The following CHD7 variants were observed in gnomAD, a reference collection of about 807,000 sequenced individuals.
CHD7 encodes the protein ATP-dependent chromatin remodeler CHD7.
Under a neutral mutation model 307.3 loss-of-function variants are expected in CHD7, and 24 were observed. The ratio of observed to expected loss-of-function variants is 0.08; its 90% confidence interval spans 0.06 to 0.11. CHD7 has a LOEUF of 0.11. CHD7 is among the 10% of genes least tolerant of loss of function. CHD7 has a pLI of 1.00. For synonymous variants in CHD7, 1,363 were observed against 1,349.9 expected (o/e 1.01, Z -0.21); for missense variants, 3,106 against 3,727.1 (o/e 0.83, Z 4.34).
rs1399171333 is a variant in CHD7 at position 60,742,952 on chromosome 8, C to G, written c.1520C>G (p.Ser507Cys). 6.2e-7 allele frequency: 1 copy of G among 1,613,456 alleles called. No individual in the cohort carries two copies. Among genetic ancestry groups the G allele is most frequent in the Non-Finnish European group, 8.5e-7 (1 of 1,179,638 alleles). ...CAACAACATCCTGGTCAACAGCCAT[C>G]TTTTCAGCAGTTGCCAACCTGTCCT... is the stretch of plus-strand genomic sequence containing the variant. ...PGQQHPGQQP[S>C]FQQLPTCPPL... is the part of the protein sequence containing the mutation. The change falls in exon 2 of 38, where the codon TCT (serine) becomes TGT (cysteine). Residue 507 changes from serine to cysteine, a missense_variant. Transcript: ENST00000423902.
rs138016694 is a variant in CHD7 at position 60,812,446 on chromosome 8, C to T, written c.2499-3941C>T. 6.3e-3 allele frequency among the ~76,000 whole-genome samples: 962 copies of T among 152,178 alleles called. 17 individuals carry two copies. Among genetic ancestry groups the T allele is most frequent in the African/African-American group, 0.021 (890 of 41,530 alleles). ...TTGGGAGGCTGAGGCAGGCTGATCACGAGGTCAGGAGCTTGAGACCAGCCT... is the reference window on the plus strand; with the variant it reads ...TTGGGAGGCTGAGGCAGGCTGATCATGAGGTCAGGAGCTTGAGACCAGCCT... On this transcript the variant is annotated intron_variant, in intron 7 of 37. Transcript: ENST00000423902.
At chr8:60,776,517 C>G (rs539220944) in intron 2 of CHD7, among the ~76,000 whole-genome samples, 2 of 152,138 alleles carry the variant, frequency 1.3e-5, no homozygotes, top group Admixed American at 1.3e-4. Context: ...TCTGCCTCCC[C>G]CTCTCTCTCA....
chr8:60,781,317 GA>G lies in CHD7; in HGVS notation c.1989del (p.Glu664SerfsTer47). 3 of 1,570,070 alleles carry G rather than the reference GA, an allele frequency of 1.9e-6. No individual in the cohort carries two copies. The highest frequency in any genetic ancestry group is 2.4e-5 in the East Asian group (1 of 42,204). ...CGAAGGAACCGAAAGAACCCAAGGA[GA>G]AAAAAGAGCCCAAGGAACCCAAGAC... ...DPKEPKEPKE[K>X]KEPKEPKTPK... is the part of the protein sequence containing the mutation. On this transcript the variant is annotated frameshift_variant, in exon 3 of 38. Transcript: ENST00000423902. LOFTEE classifies it high-confidence loss of function.
Position 60,800,316 on chromosome 8 carries a change from G to T in CHD7, c.2239-72G>T, listed in dbSNP as rs577081830. The T allele has an allele frequency of 3.3e-6, 5 of 1,505,576 alleles. No homozygotes were observed. In the East Asian group the frequency reaches 1.2e-4, roughly 37 times the overall value. The allele number at this position is 1,505,576 out of a possible 1,614,324, so 93.3% of individuals were successfully genotyped here. The stretch of plus-strand genomic sequence containing the variant: ...CAAAGTGCTGGGATTACAGGCGTGA[G>T]CCACTGCGCTCGGCCACATTTTTCT... On this transcript the variant is annotated intron_variant, in intron 4 of 37. Coordinates refer to ENST00000423902, the MANE Select transcript of CHD7 (RefSeq NM_017780.4).
At chr8:60,795,167 G>A (rs1811959757) in intron 4 of CHD7, 40 bp downstream of exon 4, 2 of 1,595,678 alleles carry the variant, frequency 1.3e-6, no homozygotes, top group Non-Finnish European at 8.5e-7. Context: ...TGGTTATTTG[G>A]CATGGGTAAC....
intron 19 of CHD7, among the ~76,000 whole-genome samples, chr8:60,840,116 C>CTT (rs1239537185): frequency 6.6e-6 from 1 of 152,128 alleles, no homozygotes; most frequent in African/African-American, 2.4e-5. Flanking sequence ...GTTTTTAACT[C>CTT]TTACATTTTG....
chr8:60,780,933 A>G (rs1304766892), intron 2 of CHD7, 67 bp from the exon 3 acceptor site: 5 of 1,416,946 alleles, frequency 3.5e-6, no homozygotes, highest in Non-Finnish European at 4.6e-6. Flanking sequence ...TCAGCCACTA[A>G]CTTTCAGTTC....
At chr8:60,711,764 A>G (rs978806179) in intron 1 of CHD7, among the ~76,000 whole-genome samples, 1 of 152,260 alleles carries the variant, frequency 6.6e-6, no homozygotes, top group African/African-American at 2.4e-5. Flanking sequence ...ATAATTATTT[A>G]GAGTGAGGTA....
intron 2 of CHD7, among the ~76,000 whole-genome samples, chr8:60,744,823 C>T (rs1290098973): frequency 2.7e-5 from 4 of 150,620 alleles, no homozygotes; most frequent in Non-Finnish European, 4.4e-5. Flanking sequence ...CCACTTCACT[C>T]CAGCCTGGGC....
chr8:60,681,140 T>A (rs1273005740), intron 1 of CHD7, among the ~76,000 whole-genome samples: 1 of 152,204 alleles, frequency 6.6e-6, no homozygotes, highest in East Asian at 1.9e-4. Context: ...TGTCTGACGA[T>A]GACAAAAAAT....
intron 3 of CHD7, among the ~76,000 whole-genome samples, chr8:60,788,156 C>A (rs1196799627): frequency 6.6e-6 from 1 of 151,562 alleles, no homozygotes; most frequent in Non-Finnish European, 1.5e-5. Context: ...CAGGGTCTTG[C>A]TGTGTCGTGT....
At chr8:60,815,420 A>G (rs1803681134) in intron 7 of CHD7, among the ~76,000 whole-genome samples, 1 of 152,228 alleles carries the variant, frequency 6.6e-6, no homozygotes, top group Non-Finnish European at 1.5e-5. Context: ...TTGTCATCAG[A>G]AAGAGAAATA....
At chr8:60,772,689 G>A (rs144045837) in intron 2 of CHD7, among the ~76,000 whole-genome samples, 232 of 152,246 alleles carry the variant, frequency 1.5e-3, no homozygotes, top group Non-Finnish European at 2.8e-3. Flanking sequence ...TTCCTGTATA[G>A]TTACTAAGGT....
Position 60,836,065 on chromosome 8 carries a change from C to G in CHD7, c.3779-8C>G. ...CAGTATTCACGTTATGCTGTCCAAT[C>G]TCTGCAGGTGCTGAAGAGAAAATTT... On this transcript the variant is annotated splice_region_variant and splice_polypyrimidine_tract_variant and intron_variant, in intron 15 of 37. Transcript: ENST00000423902. 1 of 1,600,834 alleles carries G rather than the reference C, an allele frequency of 6.2e-7. No individual in the cohort carries two copies. Among genetic ancestry groups the G allele is most frequent in the South Asian group, 1.1e-5 (1 of 89,010 alleles).
At chr8:60,714,174 G>GC (rs1006445434) in intron 1 of CHD7, among the ~76,000 whole-genome samples, 125 of 151,970 alleles carry the variant, frequency 8.2e-4, no homozygotes, top group African/African-American at 2.6e-3. Flanking sequence ...CGGCGAGCGG[G>GC]CCCCCCGGGG....
At chr8:60,816,982 T>G (rs1563625805) in intron 8 of CHD7, among the ~76,000 whole-genome samples, 1 of 152,244 alleles carries the variant, frequency 6.6e-6, no homozygotes. Flanking sequence ...TAGAAACTGG[T>G]AATAATATCT....
intron 3 of CHD7, 141 bp downstream of exon 3, chr8:60,781,571 ACT>A: frequency 2.4e-6 from 3 of 1,237,728 alleles, no homozygotes; most frequent in East Asian, 2.7e-5. Flanking sequence ...TAATATCCAA[ACT>A]AAAAAGCTAA....
intron 2 of CHD7, among the ~76,000 whole-genome samples, chr8:60,753,512 T>C (rs118107499): frequency 0.018 from 2,675 of 152,270 alleles, 50 homozygotes; most frequent in Admixed American, 0.035. Context: ...ATAAGGTCTC[T>C]AAGCTAGGAT....
chr8:60,862,005 T>A (rs1805999866), intron 35 of CHD7, 191 bp from the exon 36 acceptor site: 1 of 453,264 alleles, frequency 2.2e-6, no homozygotes, highest in African/African-American at 2.0e-5. Flanking sequence ...ACTTATGTAT[T>A]CCTTAATGGA....
Sources: gnomAD v4.1 joint callset for allele counts (sites outside exome capture counted in the v4.1 genomes callset) on GRCh38, gnomAD v4.1.1 for gene constraint, MANE v1.5 for transcripts, NCBI Gene and HGNC (gene_info 2026-07-23, HGNC 2026-07-21) for gene names.